The following ERC2 variants were observed in gnomAD, a reference collection of about 807,000 sequenced individuals.
ERC2 encodes the protein ELKS/RAB6-interacting/CAST family member 2.
ERC2 carries 42 observed loss-of-function variants against 114.8 expected under a neutral mutation model. The observed-to-expected ratio is 0.37, with a 90% CI of 0.29 to 0.47. The LOEUF (loss-of-function observed/expected upper bound fraction) is 0.47, where lower values mean the gene tolerates loss of function less well. Ranked by LOEUF, ERC2 falls within the 20% of genes least tolerant of loss-of-function variation. The pLI, the probability that ERC2 is intolerant of heterozygous loss-of-function variation, is 0.99. For synonymous variants in ERC2, 454 were observed against 425.5 expected (o/e 1.07, Z -0.82); for missense variants, 939 against 1,150.7 (o/e 0.82, Z 2.66).
chr3:55,605,847 A>C (rs535986870), intron 17 of ERC2, among the ~76,000 whole-genome samples: 4 of 152,302 alleles, frequency 2.6e-5, no homozygotes, highest in African/African-American at 9.6e-5. Context: ...GAACATATCT[A>C]CTGTAAAAGC....
chr3:55,663,503 A>C (rs2148714059), intron 17 of ERC2, among the ~76,000 whole-genome samples: 1 of 152,316 alleles, frequency 6.6e-6, no homozygotes, highest in Non-Finnish European at 1.5e-5. Flanking sequence ...GCTTCAAAGA[A>C]ACAGACCCTT....
At chr3:56,335,013 C>T (rs1234494887) in intron 2 of ERC2, among the ~76,000 whole-genome samples, 1 of 152,172 alleles carries the variant, frequency 6.6e-6, no homozygotes, top group Non-Finnish European at 1.5e-5. Flanking sequence ...CTACGCTGGT[C>T]AGGCTGGTCT....
chr3:55,829,618 T>A (rs1164627401), intron 14 of ERC2, among the ~76,000 whole-genome samples: 1 of 152,170 alleles, frequency 6.6e-6, no homozygotes, highest in Non-Finnish European at 1.5e-5. Flanking sequence ...GGACTCAAGC[T>A]ATCCTCCCAT....
chr3:55,820,849 T>C (rs1356845187), intron 14 of ERC2, among the ~76,000 whole-genome samples: 2 of 152,318 alleles, frequency 1.3e-5, no homozygotes, highest in East Asian at 3.9e-4. Context: ...TCAAGGAACA[T>C]TTAGTGAGCC....
At chr3:55,898,628 A>G (rs532600247) in intron 13 of ERC2, among the ~76,000 whole-genome samples, 4 of 152,282 alleles carry the variant, frequency 2.6e-5, no homozygotes, top group African/African-American at 9.6e-5. Context: ...ACCACCCGAG[A>G]TTGTCATCAA....
At chr3:56,163,724 T>C (rs1354383735) in intron 4 of ERC2, among the ~76,000 whole-genome samples, 1 of 152,132 alleles carries the variant, frequency 6.6e-6, no homozygotes, top group African/African-American at 2.4e-5. Flanking sequence ...GCACAGTGGA[T>C]CTTTCTCCAA....
At chr3:55,545,489 T>C (rs552076217) in intron 17 of ERC2, among the ~76,000 whole-genome samples, 1 of 152,316 alleles carries the variant, frequency 6.6e-6, no homozygotes, top group East Asian at 1.9e-4. Context: ...GTAGAATGGA[T>C]GGGTCACAGG....
chr3:55,847,602 G>C (rs2061419006), intron 14 of ERC2, among the ~76,000 whole-genome samples: 1 of 152,080 alleles, frequency 6.6e-6, no homozygotes, highest in South Asian at 2.1e-4. Context: ...CAAGCTGACT[G>C]TAGTAGCAAG....
At chr3:55,925,064 C>T (rs2065668417) in intron 13 of ERC2, among the ~76,000 whole-genome samples, 1 of 152,162 alleles carries the variant, frequency 6.6e-6, no homozygotes, top group South Asian at 2.1e-4. Flanking sequence ...CAATTATATA[C>T]AGCAGGGTAA....
At chr3:55,795,749 T>C (rs1197915995) in intron 14 of ERC2, among the ~76,000 whole-genome samples, 1 of 152,204 alleles carries the variant, frequency 6.6e-6, no homozygotes, top group Non-Finnish European at 1.5e-5. Context: ...TGCCACTTCC[T>C]AGCTGCATGA....
chr3:56,361,839 G>A (rs1365421042), intron 2 of ERC2, among the ~76,000 whole-genome samples: 3 of 152,060 alleles, frequency 2.0e-5, no homozygotes, highest in Non-Finnish European at 2.9e-5. Context: ...CACAGGCATG[G>A]GTGCCAGGGT....
chr3:56,214,818 AAG>A (rs2049339934), intron 3 of ERC2, among the ~76,000 whole-genome samples: 1 of 152,228 alleles, frequency 6.6e-6, no homozygotes, highest in South Asian at 2.1e-4. Context: ...TACGAGCCAG[AAG>A]AGAGTGGGGG....
chr3:56,367,545 A>G (rs1052341751), intron 2 of ERC2, among the ~76,000 whole-genome samples: 4 of 152,106 alleles, frequency 2.6e-5, no homozygotes, highest in African/African-American at 9.7e-5. Context: ...ACTTGCATTT[A>G]AAGATCCATC....
chr3:56,296,427 C>A lies in ERC2; in HGVS notation c.666G>T (p.Gln222His), dbSNP rs746862604. Reference protein sequence around the residue: ...RVSHEENQHLQLTIQALQDEL... With the variant: ...RVSHEENQHLHLTIQALQDEL... ...CATCTTGAAGGGCCTGGATTGTCAA[C>A]TGTAGGTGCTGCAATGAGAAAGATG... Residue 222 changes from glutamine to histidine, a missense_variant, in exon 3 of 18, where the codon CAG (glutamine) becomes CAT (histidine). Gln to His is a conservative substitution (Grantham distance 24). Transcript: ENST00000288221. The A allele has an allele frequency of 1.2e-6, 2 of 1,608,848 alleles. No individual in the cohort carries two copies. Among genetic ancestry groups the A allele is most frequent in the Admixed American group, 1.7e-5 (1 of 59,706 alleles).
intron 14 of ERC2, among the ~76,000 whole-genome samples, chr3:55,737,876 C>T (rs1369238937): frequency 1.3e-5 from 2 of 152,090 alleles, no homozygotes; most frequent in African/African-American, 4.8e-5. Flanking sequence ...AGGGAAGACA[C>T]GCTTACTGCC....
intron 3 of ERC2, among the ~76,000 whole-genome samples, chr3:56,235,560 G>T (rs2050887803): frequency 6.6e-6 from 1 of 151,870 alleles, no homozygotes; most frequent in African/African-American, 2.4e-5. Flanking sequence ...TTTTGATAGG[G>T]CATATGGTTT....
At chr3:56,445,979 T>C (rs867779328) in intron 1 of ERC2, among the ~76,000 whole-genome samples, 1 of 152,106 alleles carries the variant, frequency 6.6e-6, no homozygotes, top group Non-Finnish European at 1.5e-5. Flanking sequence ...CCAAGGGTCA[T>C]CTCAATGGCC....
At chr3:55,761,709 G>C (rs2067444990) in intron 14 of ERC2, among the ~76,000 whole-genome samples, 1 of 152,008 alleles carries the variant, frequency 6.6e-6, no homozygotes, top group Non-Finnish European at 1.5e-5. Context: ...ACACATGGTA[G>C]TGAGTGAGTT....
intron 2 of ERC2, among the ~76,000 whole-genome samples, chr3:56,407,257 T>C (rs1045409163): frequency 6.6e-6 from 1 of 152,192 alleles, no homozygotes; most frequent in African/African-American, 2.4e-5. Flanking sequence ...CAAAAAGTAT[T>C]AGAATTCTGC....
Sources: allele counts gnomAD v4.1 joint callset (sites outside exome capture counted in the v4.1 genomes callset), GRCh38; gene constraint gnomAD v4.1.1; transcripts MANE v1.5; gene names NCBI Gene and HGNC (gene_info 2026-07-23, HGNC 2026-07-21).